The following ZCCHC8 variants were observed in gnomAD, a reference collection of about 807,000 sequenced individuals.
ZCCHC8 encodes zinc finger CCHC domain-containing protein 8.
A neutral mutation model predicts 70.6 loss-of-function variants in ZCCHC8; 27 were observed. The observed-to-expected ratio is 0.38, with a 90% CI of 0.28 to 0.53. The LOEUF is 0.53. ZCCHC8 is among the 20% of genes least tolerant of loss of function. The pLI is 0.81. For synonymous variants in ZCCHC8, 293 were observed against 317.4 expected, an observed-to-expected ratio of 0.92 and a Z score of 0.82; for missense variants, 737 against 876.9, an observed-to-expected ratio of 0.84 and a Z score of 2.01.
rs577810921 is a variant in ZCCHC8, at chr12:122,471,773, T to G, written c.*1724A>C. ...GAACAGTAAATTCTGATTACTCAAG[T>G]TCTCAAAAATGAAAGCTATATCTGG... On this transcript the variant is annotated 3_prime_UTR_variant, in exon 14 of 14. Transcript: ENST00000633063. 24 of 152,346 alleles carry G rather than the reference T, an allele frequency of 1.6e-4. No individual in the cohort carries two copies. The highest frequency in any genetic ancestry group is 5.0e-4 in the African/African-American group (21 of 41,586). The allele number at this position is 152,346 out of a possible 1,614,324, so 9.4% of individuals were successfully genotyped here. A position where few individuals can be genotyped will look rare whatever the true frequency, so the allele number is the denominator to read the frequency against.
Position 122,473,651 on chromosome 12 carries a change from T to A in ZCCHC8, c.1970A>T (p.His657Leu). 1 of 1,614,024 alleles carries A rather than the reference T, an allele frequency of 6.2e-7. No individual in the cohort carries two copies. Among genetic ancestry groups the A allele is most frequent in the Middle Eastern group, 1.6e-4 (1 of 6,062 alleles). Residue 657 changes from histidine to leucine, a missense_variant, in exon 14 of 14, where the codon CAT becomes CTT. Transcript: ENST00000633063. ...DTSPSTATKI[H>L]SPIPDMSKFA... is the part of the protein sequence containing the mutation. ...TTTGCTCATGTCAGGTATAGGGCTA[T>A]GAATTTTAGTGGCCGTTGAAGGACT... is the stretch of plus-strand genomic sequence containing the variant.
intron 10 of ZCCHC8, 125 bp downstream of exon 10, chr12:122,481,397 C>T (rs1957530588): frequency 1.7e-6 from 2 of 1,204,824 alleles, no homozygotes; most frequent in African/African-American, 3.1e-5. Flanking sequence ...GAAACATCAT[C>T]ATGATATTTT....
rs1210960527 is a variant in ZCCHC8 at position 122,483,891 on chromosome 12, ACC to A, written c.502-330_502-329del. 1 of 222,144 alleles carries A rather than the reference ACC, an allele frequency of 4.5e-6. No homozygotes were observed. The highest frequency in any genetic ancestry group is 1.1e-4 in the East Asian group (1 of 8,772). 13.8% of individuals were successfully genotyped at this position (222,144 alleles called of 1,614,324 possible). Reference sequence around the variant, plus strand: ...TTGCTTCTCTTTGCAAGACATGCAGACCCTTTAGTTATTGTTTCCATTTCCTT... The same window carrying A: ...TTGCTTCTCTTTGCAAGACATGCAGACTTTAGTTATTGTTTCCATTTCCTT... On this transcript the variant is annotated intron_variant, in intron 5 of 13. Coordinates refer to ENST00000633063, the MANE Select transcript of ZCCHC8 (RefSeq NM_017612.5). This position sits in a 1 kb window ranked among gnomAD's most constrained non-coding sequence, Gnocchi z 4.4.
In ZCCHC8 at chr12:122,483,663, T is replaced by A. The variant is rs1257137514; in HGVS notation, c.502-100A>T. The A allele has an allele frequency of 3.0e-6, 3 of 992,642 alleles. No homozygotes were observed. The highest frequency in any genetic ancestry group is 5.2e-5 in the Admixed American group (2 of 38,620). 61.5% of individuals were successfully genotyped at this position (992,642 alleles called of 1,614,324 possible). A position where few individuals can be genotyped will look rare whatever the true frequency, so the allele number is the denominator to read the frequency against. ...ACTGTTTTAACAATTTATTTTTGGA[T>A]GGAATTATTAGAAATAATAACTTCC... On this transcript the variant is annotated intron_variant, in intron 5 of 13. Coordinates refer to ENST00000633063, the MANE Select transcript of ZCCHC8 (RefSeq NM_017612.5). The surrounding 1 kb of genome is among the most constrained non-coding windows in gnomAD (Gnocchi z 4.4).
In ZCCHC8 at chr12:122,483,399, G is replaced by C; in HGVS notation, c.606-55C>G. 6.4e-7 allele frequency: 1 copy of C among 1,569,300 alleles called. No individual in the cohort carries two copies. The highest frequency in any genetic ancestry group is 8.7e-7 in the Non-Finnish European group (1 of 1,155,046). ...TCATGGTCTGCAAAATTTGGAAATT[G>C]TTTTAAAGGTGAACTTAGTGGCAAG... On this transcript the variant is annotated intron_variant, in intron 6 of 13. Transcript: ENST00000633063. This position sits in a 1 kb window ranked among gnomAD's most constrained non-coding sequence, Gnocchi z 4.4.
At chr12:122,475,709 C>T (rs998157930) in intron 13 of ZCCHC8, among the ~76,000 whole-genome samples, 1 of 152,188 alleles carries the variant, frequency 6.6e-6, no homozygotes, top group Non-Finnish European at 1.5e-5. Context: ...TCCTCCAAAC[C>T]GCTGCCAGAT....
At position 122,473,476 on chromosome 12, in the gene ZCCHC8, T is replaced by C; in HGVS notation, c.*21A>G. 1.9e-6 allele frequency: 3 copies of C among 1,605,808 alleles called. No individual in the cohort carries two copies. Among genetic ancestry groups the C allele is most frequent in the Non-Finnish European group, 2.6e-6 (3 of 1,175,656 alleles). On this transcript the variant is annotated 3_prime_UTR_variant, in exon 14 of 14. Coordinates refer to ENST00000633063, the MANE Select transcript of ZCCHC8 (RefSeq NM_017612.5). ...TAACGGAACAAAGTTATTAAATAGC[T>C]CTCAGTGCTAAGTCAAGCCATTATT...
intron 11 of ZCCHC8, among the ~76,000 whole-genome samples, 178 bp downstream of exon 11, chr12:122,480,012 A>G (rs1165551034): frequency 6.6e-6 from 1 of 152,072 alleles, no homozygotes; most frequent in Non-Finnish European, 1.5e-5. Context: ...AGGTCTTGCT[A>G]TGTTGCCCAG....
chr12:122,475,498 G>T (rs1284690112), intron 13 of ZCCHC8, among the ~76,000 whole-genome samples: 1 of 152,192 alleles, frequency 6.6e-6, no homozygotes, highest in Non-Finnish European at 1.5e-5. Flanking sequence ...CCCATCTGCT[G>T]TTCTCACAAA....
intron 5 of ZCCHC8, among the ~76,000 whole-genome samples, chr12:122,484,345 G>A (rs56798326): frequency 6.6e-6 from 1 of 151,566 alleles, no homozygotes; most frequent in Non-Finnish European, 1.5e-5. Flanking sequence ...CGATCCACCC[G>A]ACTCAGCCTC....
At chr12:122,478,032 A>G in intron 12 of ZCCHC8, 74 bp from the exon 13 acceptor site, 6 of 1,307,054 alleles carry the variant, frequency 4.6e-6, no homozygotes, top group Non-Finnish European at 6.6e-6. Context: ...TTCACTTAAA[A>G]TGATGTAGAA....
intron 4 of ZCCHC8, among the ~76,000 whole-genome samples, chr12:122,489,980 TA>T (rs201958297): frequency 3.1e-3 from 415 of 134,936 alleles, no homozygotes; most frequent in Middle Eastern, 7.6e-3. Flanking sequence ...TAATTTTTAA[TA>T]AAAAAAAAAA....
intron 12 of ZCCHC8, 58 bp downstream of exon 12, chr12:122,478,148 T>C: frequency 7.0e-7 from 1 of 1,430,118 alleles, no homozygotes. Flanking sequence ...GCTAATAAAT[T>C]ACACAATCTC....
chr12:122,476,915 G>C (rs945765660), intron 13 of ZCCHC8, among the ~76,000 whole-genome samples: 1 of 151,572 alleles, frequency 6.6e-6, no homozygotes. Context: ...CCAGCTACTT[G>C]GGAGGCTGAG....
chr12:122,490,668 G>C (rs1029301137), intron 3 of ZCCHC8, 101 bp from the exon 4 acceptor site: 1 of 650,892 alleles, frequency 1.5e-6, no homozygotes, highest in East Asian at 2.9e-5. Context: ...GAATGTTGTT[G>C]TTTTTCAGAA....
chr12:122,500,661 G>A lies in ZCCHC8; in HGVS notation c.180C>T (p.Ile60=), dbSNP rs1174652717. The change falls in exon 1 of 14, where the codon ATC becomes ATT. Residue 60 remains isoleucine (I), a synonymous_variant. Coordinates refer to ENST00000633063, the MANE Select transcript of ZCCHC8 (RefSeq NM_017612.5). This position sits in a 1 kb window ranked among gnomAD's most constrained non-coding sequence, Gnocchi z 4.8. ...RERLRQCEET[I]EQLRAENQEL... is the part of the protein sequence containing the mutation. ...GGATATTCTCGGCGCGGAGCTGCTC[G>A]ATGGTCTCCTCGCACTGCCGAAGCC... The A allele has an allele frequency of 1.3e-6, 2 of 1,578,630 alleles. No individual in the cohort carries two copies. Among genetic ancestry groups the A allele is most frequent in the East Asian group, 4.7e-5 (2 of 42,872 alleles).
Position 122,482,078 on chromosome 12 carries a change from C to G in ZCCHC8, c.742G>C (p.Ala248Pro), listed in dbSNP as rs370938843. 1.2e-6 allele frequency: 2 copies of G among 1,607,448 alleles called. No homozygotes were observed. The highest frequency in any genetic ancestry group is 1.7e-6 in the Non-Finnish European group (2 of 1,178,230). ...TTTCTCTTTTCACTTATTCGAGCAG[C>G]ATTCCGAGGCTACATCATGACACAT... Reference protein sequence around the residue: ...QMKDCPMPRNAARISEKRKEY... With the variant: ...QMKDCPMPRNPARISEKRKEY... Residue 248 changes from alanine to proline, a missense_variant, in exon 9 of 14, where the codon GCT (alanine) becomes CCT (proline). Transcript: ENST00000633063.
chr12:122,490,665 G>A, intron 3 of ZCCHC8, 98 bp from the exon 4 acceptor site: 1 of 675,722 alleles, frequency 1.5e-6, no homozygotes, highest in Non-Finnish European at 2.3e-6. Flanking sequence ...TGTGAATGTT[G>A]TTGTTTTTCA....
At chr12:122,491,577 CCA>C (rs1305517044) in intron 3 of ZCCHC8, among the ~76,000 whole-genome samples, 1 of 148,060 alleles carries the variant, frequency 6.8e-6, no homozygotes, top group Non-Finnish European at 1.5e-5. Context: ...ACCTGTAATC[CCA>C]GCACTTTGGG....
Sources: gnomAD v4.1 joint callset for allele counts (sites outside exome capture counted in the v4.1 genomes callset) on GRCh38, gnomAD v4.1.1 for gene constraint, Gnocchi (gnomAD v3.1) non-coding constraint, MANE v1.5 for transcripts, NCBI Gene and HGNC (gene_info 2026-07-23, HGNC 2026-07-21) for gene names.